Variants in STOML1 observed in about 807,000 individuals in gnomAD.
STOML1 encodes stomatin-like protein 1.
STOML1 carries 27 observed loss-of-function variants against 35.7 expected under a neutral mutation model. The observed-to-expected ratio is 0.76, with a 90% CI of 0.56 to 1.04. STOML1 has a LOEUF of 1.04. Among genes scored for constraint, STOML1 ranks in the 50% least tolerant of loss-of-function variants. STOML1 has a pLI of 0.00. For synonymous variants in STOML1, 219 were observed against 227.9 expected (o/e 0.96, Z 0.35); for missense variants, 451 against 527.1 (o/e 0.86, Z 1.41).
rs774831310 is a variant in STOML1 at position 73,992,244 on chromosome 15, C to A, written c.-21G>T. 1.9e-6 allele frequency: 3 copies of A among 1,580,090 alleles called. No homozygotes were observed. Among genetic ancestry groups the A allele is most frequent in the Non-Finnish European group, 2.6e-6 (3 of 1,167,074 alleles). On this transcript the variant is annotated 5_prime_UTR_variant, in exon 1 of 7. Transcript: ENST00000541638. ...AGCATGGCTTTTGACAGGAGACACG[C>A]CCCGCGCCTCCGCGCGGCGCCCTCC...
rs2069038292 is a variant in STOML1, at chr15:73,984,823, ACTTGAGGGGCAGGTGG to A, written c.823_838del (p.Pro275LeufsTer16). On this transcript the variant is annotated frameshift_variant, in exon 6 of 7. Transcript: ENST00000541638. LOFTEE classifies it high-confidence loss of function. ...CTGCTTCGGACTGGACCTGGCACCA[ACTTGAGGGGCAGGTGG>A]CTCAACTTCACTCACCATCTCCACG... 1.2e-6 allele frequency: 2 copies of A among 1,614,092 alleles called. No homozygotes were observed. Among genetic ancestry groups the A allele is most frequent in the Non-Finnish European group, 1.7e-6 (2 of 1,180,020 alleles).
chr15:73,991,901 C>T lies in STOML1; in HGVS notation c.133+190G>A, dbSNP rs2069288095. On this transcript the variant is annotated intron_variant, in intron 1 of 6. Transcript: ENST00000541638. ...GGCTCTGGGGCCAAAGCCCCATGAC[C>T]CTAGGGAGGGCGGATCGGCGCTAGC... 3 of 900,640 alleles carry T rather than the reference C, an allele frequency of 3.3e-6. No individual in the cohort carries two copies. In the Admixed American group the frequency reaches 8.8e-5, roughly 26 times the overall value. The allele number at this position is 900,640 out of a possible 1,614,324, so 55.8% of individuals were successfully genotyped here.
In STOML1 at chr15:73,983,956, ACAGCCTC is replaced by A; in HGVS notation, c.1171_1177del (p.Glu391SerfsTer5). On this transcript the variant is annotated frameshift_variant, in exon 7 of 7. Coordinates refer to ENST00000541638, the MANE Select transcript of STOML1 (RefSeq NM_004809.5). LOFTEE classifies it high-confidence loss of function. Reference sequence around the variant, plus strand: ...AGGCTGCTACTTCAAGGCCCTGAGGACAGCCTCCAGCTTCATGGCCATAGCCAGGTCG... The same window carrying A: ...AGGCTGCTACTTCAAGGCCCTGAGGACAGCTTCATGGCCATAGCCAGGTCG... 2 of 1,613,686 alleles carry A rather than the reference ACAGCCTC, an allele frequency of 1.2e-6. No homozygotes were observed. Among genetic ancestry groups the A allele is most frequent in the Non-Finnish European group, 1.7e-6 (2 of 1,179,816 alleles).
In STOML1 at chr15:73,988,906, C is replaced by T; in HGVS notation, c.391-104G>A. On this transcript the variant is annotated intron_variant, in intron 3 of 6. Coordinates refer to ENST00000541638, the MANE Select transcript of STOML1 (RefSeq NM_004809.5). The surrounding 1 kb of genome is among the most constrained non-coding windows in gnomAD (Gnocchi z 4.8). ...CTTGAACCACCTGCTTGGCAGCTAGCTCCTCAAGGGCAAATGGTGTCACCA... is the reference window on the plus strand; with the variant it reads ...CTTGAACCACCTGCTTGGCAGCTAGTTCCTCAAGGGCAAATGGTGTCACCA... The T allele has an allele frequency of 6.7e-7, 1 of 1,497,986 alleles. No individual in the cohort carries two copies. The highest frequency in any genetic ancestry group is 2.3e-5 in the East Asian group (1 of 43,852). The allele number at this position is 1,497,986 out of a possible 1,614,324, so 92.8% of individuals were successfully genotyped here. A position where few individuals can be genotyped will look rare whatever the true frequency, so the allele number is the denominator to read the frequency against.
Position 73,992,145 on chromosome 15 carries a change from C to G in STOML1, c.79G>C (p.Gly27Arg), listed in dbSNP as rs759869421. 4.4e-6 allele frequency: 7 copies of G among 1,608,550 alleles called. No homozygotes were observed. The African/African-American group carries it at 6.7e-5, about 16-fold the overall frequency. Reference sequence around the variant, plus strand: ...GGGGACAAGCAGCCCTTCTGCGAGCCCAGAAAGCCGAAGCTCGACTGCTGG... The same window carrying G: ...GGGGACAAGCAGCCCTTCTGCGAGCGCAGAAAGCCGAAGCTCGACTGCTGG... The part of the protein sequence containing the change: ...RFQQSSFGFL[G>R]SQKGCLSPER... The change falls in exon 1 of 7, where the codon GGC becomes CGC. Residue 27 changes from glycine (G) to arginine (R), a missense_variant. Gly to Arg is a moderately radical substitution (Grantham distance 125, BLOSUM62 -2). Coordinates refer to ENST00000541638, the MANE Select transcript of STOML1 (RefSeq NM_004809.5).
chr15:73,984,537 G>T, intron 6 of STOML1, 122 bp downstream of exon 6: 1 of 1,175,974 alleles, frequency 8.5e-7, no homozygotes, highest in Non-Finnish European at 1.2e-6. Context: ...GCCCCTGCCT[G>T]CCATGGGTTC....
In STOML1 at chr15:73,984,649, G is replaced by T. The variant is rs372383820; in HGVS notation, c.1003+10C>A. ...TGGATGGGAAGGAGAGGCAAGGAGGGCAGCGGCACCTGTAGTGAGGTCCAG... is the reference window on the plus strand; with the variant it reads ...TGGATGGGAAGGAGAGGCAAGGAGGTCAGCGGCACCTGTAGTGAGGTCCAG... On this transcript the variant is annotated intron_variant, in intron 6 of 6. Coordinates refer to ENST00000541638, the MANE Select transcript of STOML1 (RefSeq NM_004809.5). The T allele has an allele frequency of 1.9e-5, 30 of 1,612,554 alleles. No individual in the cohort carries two copies. The highest frequency in any genetic ancestry group is 3.3e-4 in the Middle Eastern group (2 of 6,080).
At chr15:73,987,563 A>C (rs1289619915) in intron 4 of STOML1, 1 of 152,226 alleles carries the variant, frequency 6.6e-6, no homozygotes, top group South Asian at 2.1e-4. Context: ...TCCACTTGCT[A>C]TCTGAGTTGT....
rs2068978834 is a variant in STOML1 at position 73,982,936 on chromosome 15, C to T, written c.*1001G>A. 1.3e-5 allele frequency: 2 copies of T among 152,200 alleles called. No individual in the cohort carries two copies. Among genetic ancestry groups the T allele is most frequent in the Admixed American group, 1.3e-4 (2 of 15,280 alleles). 9.4% of individuals were successfully genotyped at this position (152,200 alleles called of 1,614,324 possible). ...CTCTCTTGAATGGGATATGACCACC[C>T]CACCTGCCCCTCAGTGTTTGCAGGA... On this transcript the variant is annotated 3_prime_UTR_variant, in exon 7 of 7. Transcript: ENST00000541638.
intron 5 of STOML1, 36 bp downstream of exon 5, chr15:73,985,282 G>T (rs748664021): frequency 1.3e-6 from 2 of 1,505,698 alleles, no homozygotes; most frequent in Admixed American, 4.8e-5. Flanking sequence ...CACCAAGCTG[G>T]TAAACACCCC....
At chr15:73,984,163 G>A in intron 6 of STOML1, 33 bp from the exon 7 acceptor site, 1 of 1,591,784 alleles carries the variant, frequency 6.3e-7, no homozygotes, top group Non-Finnish European at 8.6e-7. Context: ...GTGTCAGTAG[G>A]GGAATGGAGG....
rs571564579 is a variant in STOML1 at position 73,981,488 on chromosome 15, G to A, written c.*2449C>T. ...AAATATAATAAGAAGTGTCTAGTCC[G>A]GTATAAGGACATATTTGGCACACAG... On this transcript the variant is annotated 3_prime_UTR_variant, in exon 7 of 7. Transcript: ENST00000541638. 3 of 152,144 alleles carry A rather than the reference G, an allele frequency of 2.0e-5. No individual in the cohort carries two copies. Among genetic ancestry groups the A allele is most frequent in the African/African-American group, 7.2e-5 (3 of 41,496 alleles). 9.4% of individuals were successfully genotyped at this position (152,144 alleles called of 1,614,324 possible).
At chr15:73,993,146 C>T (rs73439705), upstream of STOML1, among the ~76,000 whole-genome samples, 4,683 of 152,260 alleles carry the variant, frequency 0.031, 248 homozygotes, top group African/African-American at 0.11. Flanking sequence ...TAGCACAGAG[C>T]TACATGAGGG....
Position 73,988,684 on chromosome 15 carries a change from G to A in STOML1, c.509C>T (p.Ala170Val), listed in dbSNP as rs1360941725. 3.1e-6 allele frequency: 5 copies of A among 1,614,206 alleles called. No individual in the cohort carries two copies. In the South Asian group the frequency reaches 5.5e-5, roughly 18 times the overall value. ...KDLNTATRMT[A>V]QNAMTKALLK... ...CAGGGCCTTGGTCATGGCGTTCTGG[G>A]CTGTCATGCGTGTGGCTGTGTTCAG... is the stretch of plus-strand genomic sequence containing the variant. Residue 170 changes from alanine to valine, a missense_variant, in exon 4 of 7, where the codon GCC becomes GTC. Ala to Val is a moderately conservative substitution (Grantham distance 64). Transcript: ENST00000541638. The surrounding 1 kb of genome is among the most constrained non-coding windows in gnomAD (Gnocchi z 4.8).
chr15:73,993,183 G>A (rs907597217), upstream of STOML1, among the ~76,000 whole-genome samples: 1 of 152,216 alleles, frequency 6.6e-6, no homozygotes, highest in African/African-American at 2.4e-5. Context: ...CCACAGAGGT[G>A]AGGCCCTCAG....
intron 1 of STOML1, among the ~76,000 whole-genome samples, chr15:73,991,423 T>C (rs1160746295): frequency 6.6e-6 from 1 of 152,252 alleles, no homozygotes; most frequent in Non-Finnish European, 1.5e-5. Context: ...GAGGCTCCAC[T>C]TTGTGCCTGG....
Position 73,980,054 on chromosome 15 carries a change from A to C in STOML1, c.*3883T>G, listed in dbSNP as rs2068944843. ...CCCTGTCTCAAAACAAACAAACAAA[A>C]AACAAAAAAATAACTTGAACAATAA... On this transcript the variant is annotated 3_prime_UTR_variant, in exon 7 of 7. Coordinates refer to ENST00000541638, the MANE Select transcript of STOML1 (RefSeq NM_004809.5). 1 of 152,148 alleles carries C rather than the reference A, an allele frequency of 6.6e-6. No individual in the cohort carries two copies. The highest frequency in any genetic ancestry group is 1.5e-5 in the Non-Finnish European group (1 of 68,030). The allele number at this position is 152,148 out of a possible 1,614,324, so 9.4% of individuals were successfully genotyped here.
At chr15:73,993,485 C>T (rs145976268), upstream of STOML1, among the ~76,000 whole-genome samples, 307 of 152,314 alleles carry the variant, frequency 2.0e-3, no homozygotes, top group Middle Eastern at 0.01. Context: ...CCATATTTGG[C>T]TTTCATGGAC....
chr15:73,990,663 C>T (rs1179280688), intron 1 of STOML1, among the ~76,000 whole-genome samples: 1 of 152,218 alleles, frequency 6.6e-6, no homozygotes, highest in African/African-American at 2.4e-5. Flanking sequence ...CATCAACACT[C>T]ATTTGTCCCA....
Sources: gnomAD v4.1 joint callset for allele counts (sites outside exome capture counted in the v4.1 genomes callset) on GRCh38, gnomAD v4.1.1 for gene constraint, Gnocchi (gnomAD v3.1) non-coding constraint, MANE v1.5 for transcripts, NCBI Gene and HGNC (gene_info 2026-07-23, HGNC 2026-07-21) for gene names.